Variants in ATP1A2 observed in about 807,000 individuals in gnomAD.
ATP1A2 encodes ATPase Na+/K+ transporting subunit alpha 2, also known as sodium/potassium-transporting ATPase subunit alpha-2.
In ATP1A2, 56 loss-of-function variants were observed where a neutral mutation model predicts 113.1. The ratio of observed to expected loss-of-function variants is 0.49; its 90% CI spans 0.40 to 0.62. The LOEUF (loss-of-function observed/expected upper bound fraction) is 0.62, where lower values mean the gene tolerates loss of function less well. Among genes scored for constraint, ATP1A2 ranks in the 20% least tolerant of loss-of-function variants. ATP1A2 has a pLI of 0.00. For missense variants in ATP1A2, 712 were observed against 1,357.8 expected, an observed-to-expected ratio of 0.52 and a Z score of 7.47; for synonymous variants, 490 against 526.8, an observed-to-expected ratio of 0.93 and a Z score of 0.96.
rs748188822 is a variant in ATP1A2 at position 160,135,420 on chromosome 1, C to A, written c.2116-14C>A. The A allele has an allele frequency of 1.3e-5, 21 of 1,614,098 alleles. No individual in the cohort carries two copies. Among genetic ancestry groups the A allele is most frequent in the Non-Finnish European group, 1.7e-5 (20 of 1,180,018 alleles). ...AAGGGGTTTCGTCCTCAAGTGTGGCCGTCTTCCCTCCAGGGAGCCATTGTG... is the reference window on the plus strand; with the variant it reads ...AAGGGGTTTCGTCCTCAAGTGTGGCAGTCTTCCCTCCAGGGAGCCATTGTG... On this transcript the variant is annotated splice_polypyrimidine_tract_variant and intron_variant, in intron 15 of 22. Coordinates refer to ENST00000361216, the MANE Select transcript of ATP1A2 (RefSeq NM_000702.4). The surrounding 1 kb of genome is among the most constrained non-coding windows in gnomAD (Gnocchi z 6.3).
In ATP1A2 at chr1:160,141,810, G is replaced by T. The variant is rs765388921; in HGVS notation, c.*488G>T. ...CCCTTCAGACCTTGCAATCACAAAA[G>T]GTTCTTCTGGTGAGTGCAAGAGCCT... On this transcript the variant is annotated 3_prime_UTR_variant, in exon 23 of 23. Transcript: ENST00000361216. The T allele has an allele frequency of 5.1e-5, 10 of 195,720 alleles. No homozygotes were observed. The highest frequency in any genetic ancestry group is 7.5e-5 in the Non-Finnish European group (7 of 93,280). 12.1% of individuals were successfully genotyped at this position (195,720 alleles called of 1,614,324 possible).
chr1:160,134,544 A>G lies in ATP1A2; in HGVS notation c.1888A>G (p.Ile630Val), dbSNP rs1382260409. The change falls in exon 14 of 23, where the codon ATC becomes GTC. Residue 630 changes from isoleucine to valine, a missense_variant. This residue lies in a region of ATP1A2 where 263 missense variants were observed against 380.6 expected (regional missense o/e 0.69). Coordinates refer to ENST00000361216, the MANE Select transcript of ATP1A2 (RefSeq NM_000702.4). ...CAAGGCCATTGCCAAAGGCGTGGGC[A>G]TCATATCAGAGGGTAACGAGACTGT... ...TAKAIAKGVG[I>V]ISEGNETVED... is the part of the protein sequence containing the mutation. 2 of 1,614,226 alleles carry G rather than the reference A, an allele frequency of 1.2e-6. No individual in the cohort carries two copies. Among genetic ancestry groups the G allele is most frequent in the Non-Finnish European group, 1.7e-6 (2 of 1,180,042 alleles).
intron 1 of ATP1A2, among the ~76,000 whole-genome samples, chr1:160,117,430 C>T (rs1570980553): frequency 1.3e-5 from 2 of 152,248 alleles, no homozygotes; most frequent in Admixed American, 1.3e-4. Flanking sequence ...AGTGATGAGA[C>T]CTTGACTTTT....
intron 1 of ATP1A2, among the ~76,000 whole-genome samples, chr1:160,116,328 G>C (rs1415695490): frequency 6.6e-6 from 1 of 152,194 alleles, no homozygotes; most frequent in African/African-American, 2.4e-5. Context: ...AGGTTAGAGA[G>C]GGGCAGTAGA....
At chr1:160,140,020 G>A (rs1558010403) in intron 22 of ATP1A2, 36 bp downstream of exon 22, 1 of 1,598,064 alleles carries the variant, frequency 6.3e-7, no homozygotes, top group African/African-American at 1.3e-5. Context: ...CAAAGTGCAA[G>A]CCCCACCACC....
chr1:160,126,060 C>T (rs1249569712), intron 7 of ATP1A2, among the ~76,000 whole-genome samples: 1 of 152,186 alleles, frequency 6.6e-6, no homozygotes, highest in Non-Finnish European at 1.5e-5. Context: ...GTCCATTACT[C>T]ATTTCTCCTC....
chr1:160,131,594 G>A (rs1368958002), intron 13 of ATP1A2, among the ~76,000 whole-genome samples: 1 of 152,118 alleles, frequency 6.6e-6, no homozygotes, highest in African/African-American at 2.4e-5. Flanking sequence ...GGGGGTCCAA[G>A]GCTGGTGGAT....
chr1:160,128,624 C>G, intron 8 of ATP1A2, 28 bp from the exon 9 acceptor site: 1 of 1,614,084 alleles, frequency 6.2e-7, no homozygotes, highest in Non-Finnish European at 8.5e-7. Flanking sequence ...CAGCCTTAAC[C>G]TTTTTTATTC....
At chr1:160,126,167 G>A (rs1045486923) in intron 7 of ATP1A2, among the ~76,000 whole-genome samples, 2 of 151,992 alleles carry the variant, frequency 1.3e-5, no homozygotes, top group Admixed American at 6.5e-5. Flanking sequence ...GACCCCCTTC[G>A]TTACCAAAAT....
chr1:160,125,340 C>T, intron 7 of ATP1A2, 87 bp downstream of exon 7: 1 of 1,231,270 alleles, frequency 8.1e-7, no homozygotes. Flanking sequence ...ACTTACCTGG[C>T]AAAAGCTCTG....
At chr1:160,140,681 C>G (rs74562298) in intron 22 of ATP1A2, 4 of 166,002 alleles carry the variant, frequency 2.4e-5, no homozygotes, top group African/African-American at 9.6e-5. Context: ...GACTCTCGTT[C>G]GTCACCTGAA....
intron 1 of ATP1A2, 129 bp from the exon 2 acceptor site, chr1:160,120,777 T>C: frequency 1.1e-6 from 1 of 919,878 alleles, no homozygotes. Flanking sequence ...CCATCCCCCC[T>C]ATCTCCCCCA....
intron 20 of ATP1A2, among the ~76,000 whole-genome samples, chr1:160,137,712 T>G (rs918854614): frequency 1.3e-5 from 2 of 151,870 alleles, no homozygotes; most frequent in African/African-American, 4.8e-5. Flanking sequence ...GATTCTATTA[T>G]GGGTGGTGGT....
chr1:160,126,613 C>T (rs1022887155), intron 7 of ATP1A2, among the ~76,000 whole-genome samples: 15 of 151,956 alleles, frequency 9.9e-5, no homozygotes, highest in African/African-American at 3.1e-4. Context: ...GGACTACAGG[C>T]GCGTGATACC....
intron 6 of ATP1A2, among the ~76,000 whole-genome samples, 188 bp from the exon 7 acceptor site, chr1:160,124,945 CAGG>C (rs1651538442): frequency 6.6e-6 from 1 of 152,156 alleles, no homozygotes; most frequent in Admixed American, 6.5e-5. Flanking sequence ...CATAAGAAGT[CAGG>C]AGGAGTCAGA....
At chr1:160,125,659 T>G in intron 7 of ATP1A2, 1 of 223,800 alleles carries the variant, frequency 4.5e-6, no homozygotes, top group Non-Finnish European at 9.0e-6. Flanking sequence ...CCCCCTTCGA[T>G]AACCTTTGCT....
chr1:160,139,514 G>T, intron 20 of ATP1A2, 126 bp from the exon 21 acceptor site: 1 of 819,526 alleles, frequency 1.2e-6, no homozygotes, highest in Non-Finnish European at 2.1e-6. Flanking sequence ...AGAGGCTGTT[G>T]GAAGAAGACA....
rs554196702 is a variant in ATP1A2 at position 160,127,823 on chromosome 1, G to T, written c.1017+3G>T. 1.3e-6 allele frequency: 2 copies of T among 1,593,486 alleles called. No homozygotes were observed. The highest frequency in any genetic ancestry group is 1.2e-5 in the South Asian group (1 of 86,954). ...AGGGGCTTCTGGCCACTGTCACTGT[G>T]AGTGGGTCAGGCTGAGGTGCCACCA... is the stretch of plus-strand genomic sequence containing the variant. On this transcript the variant is annotated splice_donor_region_variant and intron_variant, in intron 8 of 22. Coordinates refer to ENST00000361216, the MANE Select transcript of ATP1A2 (RefSeq NM_000702.4).
chr1:160,134,302 C>CACAT (rs1651866418), intron 13 of ATP1A2, among the ~76,000 whole-genome samples, 182 bp from the exon 14 acceptor site: 2 of 151,800 alleles, frequency 1.3e-5, no homozygotes, highest in East Asian at 3.9e-4. Context: ...TACACACACA[C>CACAT]ACATACACCC....
Sources: gnomAD v4.1 joint callset for allele counts (sites outside exome capture counted in the v4.1 genomes callset) on GRCh38, gnomAD v4.1.1 for gene constraint, gnomAD v4.1.1 regional missense constraint, Gnocchi (gnomAD v3.1) non-coding constraint, MANE v1.5 for transcripts, NCBI Gene and HGNC (gene_info 2026-07-23, HGNC 2026-07-21) for gene names.